The following PITPNM2 variants were observed in gnomAD, a reference collection of about 807,000 sequenced individuals.
PITPNM2 encodes the protein membrane-associated phosphatidylinositol transfer protein 2.
A neutral mutation model predicts 132.2 loss-of-function variants in PITPNM2; 35 were observed. The observed-to-expected ratio is 0.26, with a 90% CI of 0.20 to 0.35. PITPNM2 has a LOEUF of 0.35. Ranked by LOEUF, PITPNM2 falls within the 10% of genes least tolerant of loss-of-function variation. The pLI is 1.00. For missense variants in PITPNM2, 1,332 were observed against 1,912.0 expected (o/e 0.70, Z 5.66); for synonymous variants, 738 against 799.2 (o/e 0.92, Z 1.29).
intron 1 of PITPNM2, among the ~76,000 whole-genome samples, chr12:123,140,848 T>C (rs1365097746): frequency 6.6e-6 from 1 of 151,858 alleles, no homozygotes; most frequent in Non-Finnish European, 1.5e-5. Flanking sequence ...GAGCATGTAA[T>C]CCTGTCTTGG....
chr12:123,088,714 A>G (rs1012493182), intron 2 of PITPNM2: 1 of 152,212 alleles, frequency 6.6e-6, no homozygotes, highest in African/African-American at 2.4e-5. Flanking sequence ...AGAAGTTCAG[A>G]AAAAAAGTTT....
rs779393635 is a variant in PITPNM2 at position 122,990,666 on chromosome 12, G to A, written c.2448C>T (p.Gly816=). ...QTHNAAFQEH[G]APSSPGTAPA... The stretch of plus-strand genomic sequence containing the variant: ...GGGCAGTGCCCGGCGAGGAGGGGGC[G>A]CCATGCTCTTGGAAGGCTGCATTGT... Residue 816 remains glycine (G), a synonymous_variant, in exon 17 of 26, where the codon GGC becomes GGT. Coordinates refer to ENST00000320201, the MANE Select transcript of PITPNM2 (RefSeq NM_020845.3). 9.9e-6 allele frequency: 16 copies of A among 1,611,592 alleles called. No homozygotes were observed. The highest frequency in any genetic ancestry group is 3.3e-4 in the Middle Eastern group (2 of 6,050).
intron 2 of PITPNM2, chr12:123,081,781 G>T (rs558361003): frequency 3.9e-5 from 6 of 152,394 alleles, no homozygotes; most frequent in African/African-American, 1.4e-4. Context: ...GTAGGCAAAA[G>T]TCTGTCTGCT....
At chr12:123,091,251 A>G (rs899101722) in intron 2 of PITPNM2, 1 of 152,220 alleles carries the variant, frequency 6.6e-6, no homozygotes, top group African/African-American at 2.4e-5. Context: ...CAAGGTGCCT[A>G]AGCGATCTGT....
At chr12:123,030,005 G>GGTGGAAGGCAGACACCCACAAAGAA (rs1156825517) in intron 3 of PITPNM2, among the ~76,000 whole-genome samples, 2 of 152,176 alleles carry the variant, frequency 1.3e-5, no homozygotes, top group Non-Finnish European at 2.9e-5. Flanking sequence ...CCCACAAAGA[G>GGTGGAAGGCAGACACCCACAAAGAA]GTGGAAGGCA....
intron 13 of PITPNM2, 76 bp from the exon 14 acceptor site, chr12:122,995,736 T>TC: frequency 6.8e-7 from 1 of 1,471,402 alleles, no homozygotes; most frequent in South Asian, 1.4e-5. Flanking sequence ...GGAAGCTGCC[T>TC]CCTCCCTCCT....
intron 2 of PITPNM2, among the ~76,000 whole-genome samples, chr12:123,055,456 C>G (rs532738638): frequency 1.3e-5 from 2 of 152,238 alleles, no homozygotes; most frequent in Non-Finnish European, 2.9e-5. Flanking sequence ...GTATACGCCA[C>G]CAGCTCAGCC....
In PITPNM2 at chr12:123,009,479, C is replaced by G. The variant is rs1041361965; in HGVS notation, c.643+371G>C. On this transcript the variant is annotated intron_variant, in intron 6 of 25. Transcript: ENST00000320201. This position sits in a 1 kb window ranked among gnomAD's most constrained non-coding sequence, Gnocchi z 4.8. ...AGTAGAGGAAACAAAGGCCTGGGAG[C>G]CCAGAGGCCCAGATGAGCAGCAGGG... Among the ~76,000 whole-genome samples, 5 of 152,156 alleles carry G rather than the reference C, an allele frequency of 3.3e-5. No homozygotes were observed. Among genetic ancestry groups the G allele is most frequent in the Non-Finnish European group, 7.4e-5 (5 of 68,026 alleles).
At chr12:123,006,872 G>A (rs1200939788) in intron 6 of PITPNM2, among the ~76,000 whole-genome samples, 1 of 152,098 alleles carries the variant, frequency 6.6e-6, no homozygotes, top group African/African-American at 2.4e-5. Context: ...GTTGTGCCCA[G>A]CTGTGAATAT....
At chr12:123,044,282 T>C (rs1304301853) in intron 2 of PITPNM2, among the ~76,000 whole-genome samples, 1 of 152,108 alleles carries the variant, frequency 6.6e-6, no homozygotes, top group East Asian at 1.9e-4. Flanking sequence ...ACCCAGACCA[T>C]CCTCCTACAT....
chr12:123,052,784 G>GTTTT (rs34269675), intron 2 of PITPNM2, among the ~76,000 whole-genome samples: 2 of 140,842 alleles, frequency 1.4e-5, no homozygotes, highest in African/African-American at 2.6e-5. Flanking sequence ...TTTTATTTAA[G>GTTTT]TTTTTTTTTT....
At chr12:123,135,261 CATT>C (rs758403267) in intron 1 of PITPNM2, among the ~76,000 whole-genome samples, 2 of 152,100 alleles carry the variant, frequency 1.3e-5, no homozygotes, top group Non-Finnish European at 2.9e-5. Context: ...GTTCAGGTTC[CATT>C]TTTTTAAAAA....
At chr12:123,044,607 C>T (rs553673932) in intron 2 of PITPNM2, among the ~76,000 whole-genome samples, 1 of 152,268 alleles carries the variant, frequency 6.6e-6, no homozygotes, top group South Asian at 2.1e-4. Flanking sequence ...AGAGTAGATA[C>T]ATAATGAGAA....
chr12:122,998,095 C>T (rs1186966956), intron 10 of PITPNM2, among the ~76,000 whole-genome samples: 1 of 152,206 alleles, frequency 6.6e-6, no homozygotes, highest in East Asian at 1.9e-4. Flanking sequence ...GCATCCACAG[C>T]CTGAGTGGGC....
Position 123,005,529 on chromosome 12 carries a change from C to T in PITPNM2, c.663G>A (p.Val221=), listed in dbSNP as rs1566242606. The T allele has an allele frequency of 6.2e-7, 1 of 1,613,604 alleles. No individual in the cohort carries two copies. Among genetic ancestry groups the T allele is most frequent in the Non-Finnish European group, 8.5e-7 (1 of 1,179,950 alleles). Residue 221 remains valine, a synonymous_variant, in exon 7 of 26, where the codon GTG becomes GTA. Transcript: ENST00000320201. This position sits in a 1 kb window ranked among gnomAD's most constrained non-coding sequence, Gnocchi z 6.2. ...AGCACCAGGCCTGCCGGTGAGCCCG[C>T]ACCATCACCCTCCGTAGTCCTGTGC... The part of the protein sequence containing the change: ...IHDTGLRRVM[V]RAHRQAWCWQ...
chr12:122,986,217 A>G lies in PITPNM2; in HGVS notation c.3860T>C (p.Leu1287Pro), dbSNP rs1320677845. 2 of 1,565,472 alleles carry G rather than the reference A, an allele frequency of 1.3e-6. No homozygotes were observed. The highest frequency in any genetic ancestry group is 1.7e-6 in the Non-Finnish European group (2 of 1,160,048). The change falls in exon 26 of 26, where the codon CTG becomes CCG. Residue 1287 changes from leucine (L) to proline (P), a missense_variant. By Grantham distance (98) the Leu-to-Pro change is moderately conservative. Transcript: ENST00000320201. ...SFGLPGQGDF[L>P]RSRNHLLRTI... Reference sequence around the variant, plus strand: ...GCGAAGCAGGTGGTTCCGGGAGCGCAGAAAGTCGCCCTGGCCGGGCAGGCC... The same window carrying G: ...GCGAAGCAGGTGGTTCCGGGAGCGCGGAAAGTCGCCCTGGCCGGGCAGGCC...
intron 3 of PITPNM2, chr12:123,021,630 C>T (rs2039675228): frequency 1.0e-6 from 1 of 975,236 alleles, no homozygotes. Flanking sequence ...AAGACCATTC[C>T]CCTTGAACAG....
Position 123,108,848 on chromosome 12 carries a change from A to C in PITPNM2, c.-96+1537T>G, listed in dbSNP as rs1163621502. ...AGGATGAGGGCACCCGGAGAAGGGA[A>C]GGGACTTACCCGAGATCAGACAGCA... On this transcript the variant is annotated intron_variant, in intron 2 of 25. Coordinates refer to ENST00000320201, the MANE Select transcript of PITPNM2 (RefSeq NM_020845.3). The surrounding 1 kb of genome is among the most constrained non-coding windows in gnomAD (Gnocchi z 4.4). Among the ~76,000 whole-genome samples the C allele has an allele frequency of 6.6e-6, 1 of 152,176 alleles. No individual in the cohort carries two copies. The highest frequency in any genetic ancestry group is 1.5e-5 in the Non-Finnish European group (1 of 68,022).
chr12:123,038,286 G>A (rs1383184048), intron 2 of PITPNM2, among the ~76,000 whole-genome samples: 1 of 152,172 alleles, frequency 6.6e-6, no homozygotes, highest in Non-Finnish European at 1.5e-5. Flanking sequence ...TAAATGCACG[G>A]GTGACTAATA....
Sources: gnomAD v4.1 joint callset for allele counts (sites outside exome capture counted in the v4.1 genomes callset) on GRCh38, gnomAD v4.1.1 for gene constraint, Gnocchi (gnomAD v3.1) non-coding constraint, MANE v1.5 for transcripts, NCBI Gene and HGNC (gene_info 2026-07-23, HGNC 2026-07-21) for gene names.